ANKRD26: variants seen among roughly 807,000 people sequenced by gnomAD.
ANKRD26 encodes the protein ankyrin repeat domain-containing protein 26.
Under a neutral mutation model 208.7 loss-of-function variants are expected in ANKRD26, and 141 were observed. That is an observed-to-expected ratio of 0.68 (90% confidence interval 0.59 to 0.78). The LOEUF (loss-of-function observed/expected upper bound fraction) is 0.78, where lower values mean the gene tolerates loss of function less well. ANKRD26 is among the 30% of genes least tolerant of loss of function. The pLI, the probability that ANKRD26 is intolerant of heterozygous loss-of-function variation, is 0.00. For missense variants in ANKRD26, 1,889 were observed against 1,938.7 expected, an observed-to-expected ratio of 0.97 and a Z score of 0.48; for synonymous variants, 636 against 660.4, an observed-to-expected ratio of 0.96 and a Z score of 0.57.
At chr10:27,080,976 C>T in intron 6 of ANKRD26, 1 of 985,046 alleles carries the variant, frequency 1.0e-6, no homozygotes, top group Non-Finnish European at 1.2e-6. Flanking sequence ...GGCCACAGAT[C>T]TATGTAGTTC....
At chr10:26,988,085 G>A (rs955112538), downstream of ANKRD26, among the ~76,000 whole-genome samples, 5 of 152,142 alleles carry the variant, frequency 3.3e-5, no homozygotes, top group African/African-American at 7.2e-5. Flanking sequence ...ACAGCTGATT[G>A]TCCCTCTGGA....
chr10:26,985,235 T>A (rs1303885307), intron 3 of ANKRD26, among the ~76,000 whole-genome samples: 1 of 152,140 alleles, frequency 6.6e-6, no homozygotes, highest in Non-Finnish European at 1.5e-5. Flanking sequence ...CTGGGTTATC[T>A]TTGGGAGAGA....
In ANKRD26 at chr10:27,093,827, A is replaced by G. The variant is rs991935737; in HGVS notation, c.243-28T>C. 5 of 1,426,328 alleles carry G rather than the reference A, an allele frequency of 3.5e-6. No individual in the cohort carries two copies. In the African/African-American group the frequency reaches 7.1e-5, roughly 20 times the overall value. The allele number at this position is 1,426,328 out of a possible 1,614,324, so 88.4% of individuals were successfully genotyped here. On this transcript the variant is annotated intron_variant, in intron 1 of 33. Transcript: ENST00000376087. Reference sequence around the variant, plus strand: ...ATGAGAGTGACAGGACTTTTTATAAACTGTAGTGCACTGTCTCAAAACATA... The same window carrying G: ...ATGAGAGTGACAGGACTTTTTATAAGCTGTAGTGCACTGTCTCAAAACATA...
chr10:27,089,390 A>G (rs917126298), intron 4 of ANKRD26, among the ~76,000 whole-genome samples: 9 of 152,250 alleles, frequency 5.9e-5, no homozygotes, highest in African/African-American at 2.2e-4. Context: ...TAGAAAAATT[A>G]AACATGTGAT....
downstream of ANKRD26, among the ~76,000 whole-genome samples, chr10:26,972,039 T>G (rs190752132): frequency 4.3e-4 from 66 of 151,966 alleles, no homozygotes; most frequent in East Asian, 7.0e-3. Flanking sequence ...ATCGAGACCA[T>G]CCTGGCTAAC....
At chr10:26,980,320 A>G (rs10741124) in intron 5 of ANKRD26, among the ~76,000 whole-genome samples, 66,962 of 152,006 alleles carry the variant, frequency 0.44, 15,237 homozygotes, top group Admixed American at 0.55. Context: ...TTGTCATCCT[A>G]TTGGACCTTT....
intron 21 of ANKRD26, 60 bp from the exon 22 acceptor site, chr10:27,038,114 G>T: frequency 7.3e-7 from 1 of 1,363,396 alleles, no homozygotes; most frequent in Non-Finnish European, 1.0e-6. Context: ...AGTTCATTGT[G>T]TGATATGCCG....
At chr10:27,033,437 A>C (rs1443095499) in intron 24 of ANKRD26, 60 bp from the exon 25 acceptor site, 3 of 1,492,426 alleles carry the variant, frequency 2.0e-6, no homozygotes, top group Non-Finnish European at 2.8e-6. Flanking sequence ...TATGTTAAAA[A>C]ATAAATTATG....
chr10:27,067,182 A>G lies in ANKRD26; in HGVS notation c.1182T>C (p.Asp394=), dbSNP rs768015870. The change falls in exon 10 of 34, where the codon GAT becomes GAC. Residue 394 remains aspartate (D), a synonymous_variant. Transcript: ENST00000376087. ...CACTTCTATTATTTTTGTGCACTTC[A>G]TCAACATAAGTCAAATTGTCATTAT... is the stretch of plus-strand genomic sequence containing the variant. ...QTNNDNLTYV[D]EVHKNNRSDM... 4.3e-6 allele frequency: 7 copies of G among 1,613,700 alleles called. No homozygotes were observed. The highest frequency in any genetic ancestry group is 5.9e-6 in the Non-Finnish European group (7 of 1,179,718).
At chr10:27,056,256 C>T (rs1366544880) in intron 15 of ANKRD26, among the ~76,000 whole-genome samples, 3 of 152,200 alleles carry the variant, frequency 2.0e-5, no homozygotes, top group Non-Finnish European at 4.4e-5. Context: ...TGGCTCACTG[C>T]AACCTTCGCC....
chr10:27,082,717 A>G, intron 6 of ANKRD26, 86 bp downstream of exon 6: 1 of 1,488,310 alleles, frequency 6.7e-7, no homozygotes, highest in Non-Finnish European at 9.0e-7. Context: ...AGCACATAAT[A>G]TGGTGTCTAC....
downstream of ANKRD26, among the ~76,000 whole-genome samples, chr10:26,989,531 C>G (rs1339458591): frequency 6.6e-6 from 1 of 152,152 alleles, no homozygotes; most frequent in Non-Finnish European, 1.5e-5. Flanking sequence ...TGAGACCTAC[C>G]AAGTGGGTCA....
At chr10:27,009,317 G>A (rs1436903919) in intron 32 of ANKRD26, among the ~76,000 whole-genome samples, 1 of 152,152 alleles carries the variant, frequency 6.6e-6, no homozygotes, top group East Asian at 1.9e-4. Context: ...TGACAAGTCT[G>A]GTTTTGTCCT....
intron 4 of ANKRD26, 152 bp from the exon 5 acceptor site, chr10:27,086,761 C>CTT (rs1255812481): frequency 9.5e-4 from 359 of 377,510 alleles, no homozygotes; most frequent in Middle Eastern, 3.8e-3. Context: ...GCTCTACAAA[C>CTT]TTTTTTGTTT....
chr10:26,994,215 A>C (rs1306717260), intron 5 of ANKRD26, among the ~76,000 whole-genome samples: 1 of 152,188 alleles, frequency 6.6e-6, no homozygotes, highest in Non-Finnish European at 1.5e-5. Flanking sequence ...AAGCTGCCAA[A>C]CCTCAAAAGG....
chr10:27,043,176 TG>T lies in ANKRD26; in HGVS notation c.2161+249del, dbSNP rs142820563. Among the ~76,000 whole-genome samples, 2,165 of 122,554 alleles carry T rather than the reference TG, an allele frequency of 0.018. 19 individuals carry two copies. The highest frequency in any genetic ancestry group is 0.026 in the Non-Finnish European group (1,476 of 56,258). The allele number at this position is 122,554 out of a possible 152,430, so 80.4% of individuals were successfully genotyped here. A position where few individuals can be genotyped will look rare whatever the true frequency, so the allele number is the denominator to read the frequency against. On this transcript the variant is annotated intron_variant, in intron 20 of 33. Coordinates refer to ENST00000376087, the MANE Select transcript of ANKRD26 (RefSeq NM_014915.3). ...TCAACAAAAAAATAAAAAATTAAAA[TG>T]AAAAAAAAAAAGAGAATGAAAAGTT... is the stretch of plus-strand genomic sequence containing the variant.
At chr10:27,041,363 G>A (rs906033459) in intron 20 of ANKRD26, among the ~76,000 whole-genome samples, 1 of 152,134 alleles carries the variant, frequency 6.6e-6, no homozygotes, top group Non-Finnish European at 1.5e-5. Flanking sequence ...ATTAAAAAAA[G>A]GAGAGGAAAT....
Position 27,043,531 on chromosome 10 carries a change from C to T in ANKRD26, c.2056G>A (p.Asp686Asn). The T allele has an allele frequency of 3.7e-6, 6 of 1,613,874 alleles. No individual in the cohort carries two copies. The highest frequency in any genetic ancestry group is 5.1e-6 in the Non-Finnish European group (6 of 1,179,874). Residue 686 changes from aspartate to asparagine, a missense_variant, in exon 20 of 34, where the codon GAC (aspartate) becomes AAC (asparagine). Coordinates refer to ENST00000376087, the MANE Select transcript of ANKRD26 (RefSeq NM_014915.3). ...NQIQSMDDVD[D>N]LTQSSETASE... Reference sequence around the variant, plus strand: ...GCTGTTTCAGATGACTGAGTTAAGTCATCAACATCATCCATAGACTGTATT... The same window carrying T: ...GCTGTTTCAGATGACTGAGTTAAGTTATCAACATCATCCATAGACTGTATT...
chr10:27,029,814 G>A (rs1438196424), intron 25 of ANKRD26, among the ~76,000 whole-genome samples: 1 of 152,146 alleles, frequency 6.6e-6, no homozygotes. Context: ...TTAACATGAT[G>A]ACATGTTAGG....
Sources: allele counts gnomAD v4.1 joint callset (sites outside exome capture counted in the v4.1 genomes callset), GRCh38; gene constraint gnomAD v4.1.1; transcripts MANE v1.5; gene names NCBI Gene and HGNC (gene_info 2026-07-23, HGNC 2026-07-21).